The following SV2C variants were observed in gnomAD, a reference collection of about 807,000 sequenced individuals.
The protein encoded by SV2C is solute carrier family 22 member B3.
A neutral mutation model predicts 79.7 loss-of-function variants in SV2C; 49 were observed. The ratio of observed to expected loss-of-function variants is 0.61; its 90% CI spans 0.49 to 0.78. The LOEUF (loss-of-function observed/expected upper bound fraction) is 0.78, where lower values mean the gene tolerates loss of function less well. Ranked by LOEUF, SV2C falls within the 30% of genes least tolerant of loss-of-function variation. The pLI, the probability that SV2C is intolerant of heterozygous loss-of-function variation, is 0.00. For synonymous variants in SV2C, 334 were observed against 333.2 expected, an observed-to-expected ratio of 1.00 and a Z score of -0.03; for missense variants, 833 against 912.9, an observed-to-expected ratio of 0.91 and a Z score of 1.13.
chr5:75,997,992 C>T, the SV2C span, among the ~76,000 whole-genome samples: 5 of 151,916 alleles, frequency 3.3e-5, no homozygotes, highest in African/African-American at 1.2e-4. Flanking sequence ...ACATATACAC[C>T]ATGGAATACT....
chr5:76,033,875 C>A, the SV2C span, among the ~76,000 whole-genome samples: 1 of 151,544 alleles, frequency 6.6e-6, no homozygotes. Flanking sequence ...TCTTCCTACC[C>A]ATGAGCATGG....
chr5:75,994,341 G>A, the SV2C span, among the ~76,000 whole-genome samples: 8 of 151,996 alleles, frequency 5.3e-5, no homozygotes, highest in Non-Finnish European at 1.2e-4. Flanking sequence ...ATTTATAGGC[G>A]TTCCACCTCT....
chr5:76,011,221 G>A, the SV2C span, among the ~76,000 whole-genome samples: 4 of 152,098 alleles, frequency 2.6e-5, no homozygotes, highest in Non-Finnish European at 4.4e-5. Context: ...ATGTTGAGTT[G>A]AGTTTTAAGT....
At chr5:75,898,213 A>T in the SV2C span, among the ~76,000 whole-genome samples, 1 of 152,096 alleles carries the variant, frequency 6.6e-6, no homozygotes, top group Non-Finnish European at 1.5e-5. Context: ...GTTTGTCATA[A>T]ATAGCCCTTA....
chr5:75,875,094 T>C, the SV2C span, among the ~76,000 whole-genome samples: 1 of 152,212 alleles, frequency 6.6e-6, no homozygotes, highest in South Asian at 2.1e-4. Context: ...AAAATTCATA[T>C]GGAACCAAAA....
the SV2C span, among the ~76,000 whole-genome samples, chr5:75,926,812 T>C: frequency 7.9e-5 from 12 of 152,196 alleles, no homozygotes; most frequent in African/African-American, 2.4e-5. Context: ...CATTTTAATA[T>C]ATTAACCATT....
chr5:76,129,364 T>C (rs757062464), intron 1 of SV2C, among the ~76,000 whole-genome samples: 145 of 152,318 alleles, frequency 9.5e-4, no homozygotes, highest in Middle Eastern at 6.8e-3. Flanking sequence ...TGAGCTTCGA[T>C]TTGGGGGATG....
chr5:75,885,011 G>T, the SV2C span, among the ~76,000 whole-genome samples: 1 of 152,174 alleles, frequency 6.6e-6, no homozygotes, highest in Admixed American at 6.6e-5. Flanking sequence ...AGGCTATTTT[G>T]AGCATCTGTA....
the SV2C span, among the ~76,000 whole-genome samples, chr5:75,885,024 G>A: frequency 1.3e-5 from 2 of 152,116 alleles, no homozygotes; most frequent in Non-Finnish European, 2.9e-5. Context: ...CATCTGTAAT[G>A]CATTCACGAC....
At chr5:76,137,872 C>G (rs1405862837) in intron 2 of SV2C, among the ~76,000 whole-genome samples, 1 of 152,142 alleles carries the variant, frequency 6.6e-6, no homozygotes, top group Non-Finnish European at 1.5e-5. Context: ...TCTGGCATCC[C>G]TTTCCTCTTC....
chr5:76,337,230 T>G (rs544544541), downstream of SV2C, among the ~76,000 whole-genome samples: 22 of 152,262 alleles, frequency 1.4e-4, no homozygotes, highest in African/African-American at 5.1e-4. Flanking sequence ...CTCCTTGGCT[T>G]GTGCATGGCC....
chr5:75,997,396 A>G, the SV2C span, among the ~76,000 whole-genome samples: 4 of 142,390 alleles, frequency 2.8e-5, no homozygotes, highest in African/African-American at 1.1e-4. Flanking sequence ...CATCAGAGTG[A>G]ACAGGCAACC....
At chr5:75,910,017 AG>A in the SV2C span, among the ~76,000 whole-genome samples, 3 of 152,250 alleles carry the variant, frequency 2.0e-5, no homozygotes, top group African/African-American at 7.2e-5. Context: ...ATCTTCAGGC[AG>A]GGCCCACCCA....
chr5:76,277,735 G>A (rs1277744310), intron 4 of SV2C, among the ~76,000 whole-genome samples: 1 of 150,912 alleles, frequency 6.6e-6, no homozygotes, highest in African/African-American at 2.5e-5. Flanking sequence ...GCCAGCCTGG[G>A]TGACCTAGGA....
intron 4 of SV2C, among the ~76,000 whole-genome samples, chr5:76,276,227 G>A (rs547891090): frequency 1.6e-4 from 24 of 152,266 alleles, no homozygotes; most frequent in African/African-American, 5.1e-4. Flanking sequence ...TTACACCTTC[G>A]TTCTTATATC....
intron 4 of SV2C, among the ~76,000 whole-genome samples, chr5:76,244,745 C>T (rs1477339141): frequency 6.6e-6 from 1 of 152,150 alleles, no homozygotes; most frequent in African/African-American, 2.4e-5. Flanking sequence ...GTTTTTGAAT[C>T]ACTGAATCAA....
rs962590571 is a variant in SV2C, at chr5:76,263,127, C to A, written c.914-22035C>A. ...AATCTGGGTGCTCCTATATTTGGTG[C>A]AAATATATTTAGGATAGTTAGCTCT... On this transcript the variant is annotated intron_variant, in intron 4 of 12. Coordinates refer to ENST00000502798, the MANE Select transcript of SV2C (RefSeq NM_014979.4). Among the ~76,000 whole-genome samples the A allele has an allele frequency of 4.6e-5, 7 of 152,234 alleles. No individual in the cohort carries two copies. In the South Asian group the frequency reaches 1.0e-3, roughly 23 times the overall value.
chr5:76,014,096 AAGAAAGAGAGGATGAAAG>A, the SV2C span, among the ~76,000 whole-genome samples: 1 of 151,600 alleles, frequency 6.6e-6, no homozygotes, highest in Non-Finnish European at 1.5e-5. Context: ...AGAAGAAGGA[AAGAAAGAGAGGATGAAAG>A]AGAAAGAGAG....
chr5:76,106,495 A>G (rs974617725), intron 1 of SV2C, among the ~76,000 whole-genome samples: 1 of 152,182 alleles, frequency 6.6e-6, no homozygotes, highest in African/African-American at 2.4e-5. Flanking sequence ...CGAAGTCCTT[A>G]CAGATGTACA....
Sources: gnomAD v4.1 joint callset for allele counts (sites outside exome capture counted in the v4.1 genomes callset) on GRCh38, gnomAD v4.1.1 for gene constraint, MANE v1.5 for transcripts, NCBI Gene and HGNC (gene_info 2026-07-23, HGNC 2026-07-21) for gene names.